FRMD3: variants seen among roughly 807,000 people sequenced by gnomAD.
The protein encoded by FRMD3 is FERM domain containing 3.
FRMD3 carries 33 observed loss-of-function variants against 70.2 expected under a neutral mutation model. The ratio of observed to expected loss-of-function variants is 0.47; its 90% confidence interval spans 0.36 to 0.63. The LOEUF is 0.63. Among genes scored for constraint, FRMD3 ranks in the 20% least tolerant of loss-of-function variants. FRMD3 has a pLI of 0.00. For synonymous variants in FRMD3, 279 were observed against 255.9 expected, an observed-to-expected ratio of 1.09 and a Z score of -0.86; for missense variants, 632 against 711.4, an observed-to-expected ratio of 0.89 and a Z score of 1.27.
At chr9:83,432,332 G>A (rs1030538939) in intron 1 of FRMD3, among the ~76,000 whole-genome samples, 1 of 152,212 alleles carries the variant, frequency 6.6e-6, no homozygotes, top group Non-Finnish European at 1.5e-5. Flanking sequence ...AGGTCACTAT[G>A]TTTCCTTTGC....
rs1282501564 is a variant in FRMD3, at chr9:83,245,330, G to C, written c.*2588C>G. 2.0e-6 allele frequency: 2 copies of C among 985,188 alleles called. No individual in the cohort carries two copies. The highest frequency in any genetic ancestry group is 2.4e-6 in the Non-Finnish European group (2 of 829,896). 61.0% of individuals were successfully genotyped at this position (985,188 alleles called of 1,614,324 possible). A position where few individuals can be genotyped will look rare whatever the true frequency, so the allele number is the denominator to read the frequency against. ...TTTTCCTCATTCGATTCAGGCAACT[G>C]GTGACTATCTTCTAACAAAACTTAA... On this transcript the variant is annotated 3_prime_UTR_variant, in exon 14 of 14. Coordinates refer to ENST00000304195, the MANE Select transcript of FRMD3 (RefSeq NM_174938.6).
At chr9:83,326,343 C>T (rs968597340) in intron 6 of FRMD3, among the ~76,000 whole-genome samples, 5 of 152,066 alleles carry the variant, frequency 3.3e-5, no homozygotes, top group African/African-American at 7.2e-5. Flanking sequence ...AGCAGGATGT[C>T]GAGATATTTA....
chr9:83,330,155 G>T (rs1156725945), intron 6 of FRMD3, among the ~76,000 whole-genome samples: 1 of 151,864 alleles, frequency 6.6e-6, no homozygotes, highest in Non-Finnish European at 1.5e-5. Context: ...ACCTGAGGTT[G>T]GGAGTTTGAG....
In FRMD3 at chr9:83,293,859, T is replaced by C. The variant is rs138406595; in HGVS notation, c.1071-3132A>G. Among the ~76,000 whole-genome samples, 375 of 152,232 alleles carry C rather than the reference T, an allele frequency of 2.5e-3. 2 individuals carry two copies. Among genetic ancestry groups the C allele is most frequent in the African/African-American group, 8.6e-3 (357 of 41,544 alleles). ...CAATAATATGACTCAGAGAAGAACA[T>C]TTCTTCCCTGATAAGTATAAGACTC... On this transcript the variant is annotated intron_variant, in intron 12 of 13. Transcript: ENST00000304195.
At chr9:83,583,517 A>T in the FRMD3 span, among the ~76,000 whole-genome samples, 3 of 152,340 alleles carry the variant, frequency 2.0e-5, no homozygotes, top group Non-Finnish European at 4.4e-5. Context: ...TTAAAATTAC[A>T]TTACCAGATC....
chr9:83,366,986 T>A (rs968962845), intron 3 of FRMD3, among the ~76,000 whole-genome samples: 3 of 152,048 alleles, frequency 2.0e-5, no homozygotes, highest in African/African-American at 7.3e-5. Context: ...TGAGCCAAGA[T>A]CATGCCACTG....
intron 2 of FRMD3, among the ~76,000 whole-genome samples, chr9:83,378,519 ATATAAAATTTATATATATAATATAC>A (rs1825229003): frequency 1.2e-5 from 1 of 81,390 alleles, no homozygotes; most frequent in African/African-American, 4.4e-5. Flanking sequence ...TATAATATAC[ATATAAAATTTATATATATAATATAC>A]ATATAAAATT....
chr9:83,285,083 C>T (rs903894517), intron 13 of FRMD3, among the ~76,000 whole-genome samples: 5 of 152,182 alleles, frequency 3.3e-5, no homozygotes, highest in African/African-American at 7.2e-5. Flanking sequence ...TTTGCGTGTT[C>T]ACACACAGAC....
intron 3 of FRMD3, among the ~76,000 whole-genome samples, chr9:83,364,581 G>C (rs1176971251): frequency 6.6e-6 from 1 of 151,716 alleles, no homozygotes; most frequent in African/African-American, 2.4e-5. Context: ...TCAACTCTGT[G>C]CAAACAAACA....
chr9:83,343,059 C>CT, intron 5 of FRMD3, 131 bp downstream of exon 5: 1 of 696,306 alleles, frequency 1.4e-6, no homozygotes, highest in South Asian at 1.7e-5. Flanking sequence ...TCTGTTGCTA[C>CT]GTACCCAGCC....
chr9:83,344,226 C>T (rs1218305520), intron 4 of FRMD3, among the ~76,000 whole-genome samples: 3 of 152,356 alleles, frequency 2.0e-5, no homozygotes, highest in Admixed American at 6.5e-5. Context: ...AGTAACTTTA[C>T]AGATGTGTGC....
intron 13 of FRMD3, among the ~76,000 whole-genome samples, chr9:83,258,976 A>G (rs1241594052): frequency 6.6e-6 from 1 of 152,142 alleles, no homozygotes; most frequent in Non-Finnish European, 1.5e-5. Flanking sequence ...ACTATGGAAT[A>G]CCCATTAAAC....
At chr9:83,577,851 T>C in the FRMD3 span, among the ~76,000 whole-genome samples, 1 of 151,590 alleles carries the variant, frequency 6.6e-6, no homozygotes, top group African/African-American at 2.4e-5. Flanking sequence ...CAGAAATAAA[T>C]GGAGACCAGA....
At chr9:83,332,145 T>C (rs2131130430) in intron 6 of FRMD3, among the ~76,000 whole-genome samples, 1 of 152,284 alleles carries the variant, frequency 6.6e-6, no homozygotes, top group South Asian at 2.1e-4. Flanking sequence ...CTCAGCAAAA[T>C]CTAACTGATC....
chr9:83,527,514 G>T (rs1829710608), intron 1 of FRMD3, among the ~76,000 whole-genome samples: 1 of 152,112 alleles, frequency 6.6e-6, no homozygotes, highest in South Asian at 2.1e-4. Flanking sequence ...TCCACTCGAG[G>T]AACTTAACAA....
intron 1 of FRMD3, among the ~76,000 whole-genome samples, chr9:83,522,561 ATATAAT>A (rs1330574799): frequency 6.3e-5 from 8 of 127,576 alleles, no homozygotes; most frequent in African/African-American, 2.2e-4. Context: ...ATATATATAT[ATATAAT>A]TTTTTTTTTT....
intron 1 of FRMD3, among the ~76,000 whole-genome samples, chr9:83,523,189 T>C (rs866855733): frequency 1.2e-4 from 18 of 145,320 alleles, no homozygotes; most frequent in South Asian, 6.6e-4. Context: ...GATGGATGGA[T>C]GGATGGACGG....
the FRMD3 span, among the ~76,000 whole-genome samples, chr9:83,554,258 T>C: frequency 8.6e-3 from 1,312 of 152,276 alleles, 25 homozygotes; most frequent in African/African-American, 0.03. Flanking sequence ...GTGTTCCCTC[T>C]CAGTGCTCTG....
At chr9:83,496,367 T>C (rs1234035766) in intron 1 of FRMD3, among the ~76,000 whole-genome samples, 1 of 152,190 alleles carries the variant, frequency 6.6e-6, no homozygotes, top group Non-Finnish European at 1.5e-5. Context: ...CACTAGCTGG[T>C]GTTTCATCAT....
Sources: gnomAD v4.1 joint callset for allele counts (sites outside exome capture counted in the v4.1 genomes callset) on GRCh38, gnomAD v4.1.1 for gene constraint, MANE v1.5 for transcripts, NCBI Gene and HGNC (gene_info 2026-07-23, HGNC 2026-07-21) for gene names.